The following PRIM2 variants were observed in gnomAD, a reference collection of about 807,000 sequenced individuals.
PRIM2 encodes the protein DNA primase subunit 2.
In PRIM2, 39 loss-of-function variants were observed where a neutral mutation model predicts 67.3. The observed-to-expected ratio is 0.58, with a 90% CI of 0.45 to 0.76. PRIM2 has a LOEUF of 0.76. Ranked by LOEUF, PRIM2 falls within the 30% of genes least tolerant of loss-of-function variation. The probability of loss-of-function intolerance (pLI) is 0.00; values close to 1 mark genes in which losing one functional copy is unlikely to be tolerated. For synonymous variants in PRIM2, 143 were observed against 198.7 expected (o/e 0.72, Z 2.36); for missense variants, 398 against 598.7 (o/e 0.66, Z 3.50).
intron 10 of PRIM2, among the ~76,000 whole-genome samples, chr6:57,539,654 GTGTA>G (rs1357303573): frequency 0.076 from 4,206 of 55,700 alleles, 60 homozygotes; most frequent in Middle Eastern, 0.1. Context: ...GTGTGTGTGT[GTGTA>G]TATATATATA....
chr6:57,600,101 A>G (rs1463672555), intron 10 of PRIM2, among the ~76,000 whole-genome samples: 1 of 152,134 alleles, frequency 6.6e-6, no homozygotes, highest in African/African-American at 2.4e-5. Flanking sequence ...TGATTATCTA[A>G]ATGATTAAAT....
At chr6:57,553,422 T>C (rs1457095372) in intron 10 of PRIM2, among the ~76,000 whole-genome samples, 1 of 151,992 alleles carries the variant, frequency 6.6e-6, no homozygotes, top group Non-Finnish European at 1.5e-5. Flanking sequence ...TAAAAAAACA[T>C]GAATCCAGGA....
intron 12 of PRIM2, among the ~76,000 whole-genome samples, chr6:57,631,875 G>C (rs1241114949): frequency 6.6e-6 from 1 of 151,372 alleles, no homozygotes; most frequent in South Asian, 2.1e-4. Context: ...TTGAGGTAAA[G>C]TTATTAAAAT....
chr6:57,337,041 A>G (rs1324391148), intron 5 of PRIM2, among the ~76,000 whole-genome samples: 1 of 152,310 alleles, frequency 6.6e-6, no homozygotes, highest in East Asian at 1.9e-4. Context: ...GAAAACAAAA[A>G]AAGGCAGGGG....
At chr6:57,399,900 T>C (rs1337041187) in intron 7 of PRIM2, among the ~76,000 whole-genome samples, 2 of 152,212 alleles carry the variant, frequency 1.3e-5, no homozygotes, top group Non-Finnish European at 2.9e-5. Context: ...TTGATTTTTT[T>C]TCTTGTAAAT....
At chr6:57,337,570 TC>T (rs1170835921) in intron 5 of PRIM2, among the ~76,000 whole-genome samples, 3 of 151,738 alleles carry the variant, frequency 2.0e-5, no homozygotes, top group African/African-American at 7.3e-5. Flanking sequence ...TCAAAACCAC[TC>T]AACTACATGG....
chr6:57,290,178 C>A, the PRIM2 span, among the ~76,000 whole-genome samples: 1 of 149,878 alleles, frequency 6.7e-6, no homozygotes, highest in Non-Finnish European at 1.5e-5. Flanking sequence ...ATAAAACAGA[C>A]TTCTATTAAA....
At chr6:57,455,488 T>A (rs1772735609) in intron 7 of PRIM2, among the ~76,000 whole-genome samples, 1 of 152,224 alleles carries the variant, frequency 6.6e-6, no homozygotes, top group African/African-American at 2.4e-5. Context: ...GGTGCATATA[T>A]ATTTAGGATA....
intron 12 of PRIM2, among the ~76,000 whole-genome samples, chr6:57,616,642 CTTTT>C (rs1194075807): frequency 1.3e-5 from 2 of 151,536 alleles, no homozygotes; most frequent in African/African-American, 4.9e-5. Flanking sequence ...GATCTGATTG[CTTTT>C]TTTATTGAGG....
chr6:57,567,004 A>C (rs1414152818), intron 10 of PRIM2, among the ~76,000 whole-genome samples: 10 of 152,168 alleles, frequency 6.6e-5, no homozygotes, highest in Non-Finnish European at 1.2e-4. Flanking sequence ...AAATAAAACT[A>C]ATACAAAGAA....
At chr6:57,256,665 T>C in the PRIM2 span, among the ~76,000 whole-genome samples, 212 of 110,388 alleles carry the variant, frequency 1.9e-3, no homozygotes, top group African/African-American at 5.7e-3. Context: ...CACACACACA[T>C]GCCATGCAGG....
intron 7 of PRIM2, among the ~76,000 whole-genome samples, chr6:57,442,404 G>C (rs10949064): frequency 6.6e-6 from 1 of 151,726 alleles, no homozygotes; most frequent in Non-Finnish European, 1.5e-5. Flanking sequence ...TAATTAATAG[G>C]AATATGTGCT....
chr6:57,249,382 C>T, the PRIM2 span, among the ~76,000 whole-genome samples: 16 of 152,258 alleles, frequency 1.1e-4, 2 homozygotes, highest in African/African-American at 3.9e-4. Context: ...TAGCATAGAA[C>T]TGTCCAGTCT....
intron 10 of PRIM2, among the ~76,000 whole-genome samples, chr6:57,582,173 C>T (rs1776098622): frequency 6.6e-6 from 1 of 152,098 alleles, no homozygotes; most frequent in Admixed American, 6.5e-5. Context: ...TAGGGTTAGA[C>T]CCTCTGTTCC....
At chr6:57,563,266 C>T (rs1370983815) in intron 10 of PRIM2, among the ~76,000 whole-genome samples, 14 of 145,710 alleles carry the variant, frequency 9.6e-5, no homozygotes, top group African/African-American at 2.5e-4. Flanking sequence ...ATGAAGTGTA[C>T]TCACCACTGA....
At chr6:57,336,140 G>A (rs566482551) in intron 5 of PRIM2, among the ~76,000 whole-genome samples, 17 of 152,260 alleles carry the variant, frequency 1.1e-4, no homozygotes, top group South Asian at 4.2e-4. Context: ...GAAATGAAGC[G>A]AGAAGGGAAG....
intron 5 of PRIM2, among the ~76,000 whole-genome samples, chr6:57,357,613 G>A (rs1476967941): frequency 2.5e-5 from 2 of 81,490 alleles, no homozygotes; most frequent in South Asian, 8.5e-4. Flanking sequence ...TTTTTTTTTT[G>A]AGACAGTTTC....
chr6:57,625,551 A>G (rs1200329642), intron 12 of PRIM2, among the ~76,000 whole-genome samples: 1 of 152,162 alleles, frequency 6.6e-6, no homozygotes, highest in Non-Finnish European at 1.5e-5. Flanking sequence ...TTTGTGCCCC[A>G]GCCATGCCAG....
chr6:57,286,417 C>T, the PRIM2 span, among the ~76,000 whole-genome samples: 1 of 151,998 alleles, frequency 6.6e-6, no homozygotes, highest in Admixed American at 6.6e-5. Flanking sequence ...GATATATAGA[C>T]AAATGGAACA....
Sources: allele counts gnomAD v4.1 joint callset (sites outside exome capture counted in the v4.1 genomes callset), GRCh38; gene constraint gnomAD v4.1.1; transcripts MANE v1.5; gene names NCBI Gene and HGNC (gene_info 2026-07-23, HGNC 2026-07-21).